SUGCT: variants seen among roughly 807,000 people sequenced by gnomAD.
SUGCT encodes the protein succinyl-CoA:glutarate CoA-transferase.
A neutral mutation model predicts 55.0 loss-of-function variants in SUGCT; 41 were observed. The ratio of observed to expected loss-of-function variants is 0.74; its 90% CI spans 0.58 to 0.97. SUGCT has a LOEUF of 0.97. Among genes scored for constraint, SUGCT ranks in the 50% least tolerant of loss-of-function variants. The probability of loss-of-function intolerance (pLI) is 0.00; values close to 1 mark genes in which losing one functional copy is unlikely to be tolerated. For synonymous variants in SUGCT, 187 were observed against 200.4 expected (o/e 0.93, Z 0.56); for missense variants, 568 against 547.8 (o/e 1.04, Z -0.37).
intron 7 of SUGCT, among the ~76,000 whole-genome samples, chr7:40,269,210 A>G (rs1380550720): frequency 6.6e-6 from 1 of 152,208 alleles, no homozygotes; most frequent in Non-Finnish European, 1.5e-5. Flanking sequence ...GATGTTGAAT[A>G]TCTTTTCATG....
At chr7:41,010,015 C>T in the SUGCT span, among the ~76,000 whole-genome samples, 6 of 152,128 alleles carry the variant, frequency 3.9e-5, no homozygotes, top group Admixed American at 3.3e-4. Flanking sequence ...CATGTGTTTG[C>T]GCTGGATGTG....
chr7:40,788,376 G>C (rs1024452520), intron 13 of SUGCT, among the ~76,000 whole-genome samples: 1 of 152,184 alleles, frequency 6.6e-6, no homozygotes, highest in Admixed American at 6.5e-5. Flanking sequence ...TTGAATGGGA[G>C]AAGAAAAATC....
intron 9 of SUGCT, among the ~76,000 whole-genome samples, chr7:40,425,366 G>A (rs1034020421): frequency 1.4e-4 from 21 of 151,688 alleles, no homozygotes; most frequent in African/African-American, 4.8e-4. Context: ...ATGTTTGATC[G>A]TGAAATCACA....
the SUGCT span, among the ~76,000 whole-genome samples, chr7:41,026,885 A>G: frequency 6.6e-6 from 1 of 152,036 alleles, no homozygotes; most frequent in Non-Finnish European, 1.5e-5. Flanking sequence ...TACAAAAATT[A>G]ACTAAGAGAG....
the SUGCT span, among the ~76,000 whole-genome samples, chr7:40,911,890 T>C: frequency 6.6e-6 from 1 of 152,040 alleles, no homozygotes; most frequent in African/African-American, 2.4e-5. Context: ...AGGGAGGGCA[T>C]GGTGTGTGTG....
intron 11 of SUGCT, among the ~76,000 whole-genome samples, chr7:40,471,426 A>G (rs917925663): frequency 2.0e-5 from 3 of 152,014 alleles, no homozygotes; most frequent in African/African-American, 7.2e-5. Context: ...TATGAAATCA[A>G]TGTACTTGCC....
chr7:40,550,994 G>C (rs188423235), intron 12 of SUGCT, among the ~76,000 whole-genome samples: 42 of 152,248 alleles, frequency 2.8e-4, no homozygotes, highest in African/African-American at 9.6e-4. Context: ...CTTGTCAGGT[G>C]CCTGTGGCAG....
chr7:40,294,922 A>T (rs1396587221), intron 8 of SUGCT, among the ~76,000 whole-genome samples: 1 of 152,252 alleles, frequency 6.6e-6, no homozygotes, highest in Non-Finnish European at 1.5e-5. Flanking sequence ...GTTGGAAAAT[A>T]TGCTGCGCAA....
In SUGCT at chr7:40,378,780, T is replaced by C. The variant is rs201509192; in HGVS notation, c.816+61925T>C. 7.9e-5 allele frequency among the ~76,000 whole-genome samples: 12 copies of C among 152,354 alleles called. No homozygotes were observed. In the East Asian group the frequency reaches 2.3e-3, roughly 29 times the overall value. ...GAACCACCATGCCTGGCCTTTCTCA[T>C]ACTTTCTTTAGTTCTTTAGGACATG... is the stretch of plus-strand genomic sequence containing the variant. On this transcript the variant is annotated intron_variant, in intron 9 of 13. Coordinates refer to ENST00000335693, the MANE Select transcript of SUGCT (RefSeq NM_001193313.2).
intron 9 of SUGCT, among the ~76,000 whole-genome samples, chr7:40,399,863 G>A (rs1388385042): frequency 2.0e-5 from 3 of 152,006 alleles, no homozygotes; most frequent in East Asian, 3.9e-4. Context: ...AATGGTAGTT[G>A]TAGGGTTTTT....
chr7:40,550,537 A>T (rs1795244513), intron 12 of SUGCT, among the ~76,000 whole-genome samples: 1 of 152,204 alleles, frequency 6.6e-6, no homozygotes, highest in Non-Finnish European at 1.5e-5. Context: ...GCAACCACAC[A>T]TTGAAGCATT....
chr7:40,904,190 G>A, the SUGCT span, among the ~76,000 whole-genome samples: 10 of 152,190 alleles, frequency 6.6e-5, no homozygotes, highest in African/African-American at 2.4e-4. Context: ...TACTGTAGAT[G>A]TTTTTACGAC....
the SUGCT span, among the ~76,000 whole-genome samples, chr7:41,003,681 T>G: frequency 6.6e-6 from 1 of 152,282 alleles, no homozygotes; most frequent in African/African-American, 2.4e-5. Flanking sequence ...TTGATAGCTA[T>G]CTCTCTCTAG....
the SUGCT span, among the ~76,000 whole-genome samples, chr7:41,015,766 A>C: frequency 6.6e-6 from 1 of 152,160 alleles, no homozygotes; most frequent in African/African-American, 2.4e-5. Context: ...AGCACATCTG[A>C]GTGATTTTAT....
At chr7:40,963,917 A>C in the SUGCT span, among the ~76,000 whole-genome samples, 1 of 152,228 alleles carries the variant, frequency 6.6e-6, no homozygotes, top group Non-Finnish European at 1.5e-5. Flanking sequence ...TTACTCACTC[A>C]TCTTAATTAA....
chr7:41,011,659 C>T, the SUGCT span, among the ~76,000 whole-genome samples: 2 of 152,160 alleles, frequency 1.3e-5, no homozygotes, highest in African/African-American at 4.8e-5. Context: ...AAATAAAACT[C>T]AAGGTGAGAA....
At chr7:40,502,154 GCATGTGCTATAGTT>G (rs1270902924) in intron 12 of SUGCT, among the ~76,000 whole-genome samples, 1 of 151,872 alleles carries the variant, frequency 6.6e-6, no homozygotes, top group Non-Finnish European at 1.5e-5. Context: ...TCTTTCTCTA[GCATGTGCTATAGTT>G]TATTCATCAA....
chr7:40,854,759 A>AGTCC (rs1794083054), intron 13 of SUGCT, among the ~76,000 whole-genome samples: 1 of 151,940 alleles, frequency 6.6e-6, no homozygotes, highest in South Asian at 2.1e-4. Context: ...CAACATAGCC[A>AGTCC]GTCCCCATCT....
At chr7:40,652,354 C>T (rs1437973060) in intron 12 of SUGCT, among the ~76,000 whole-genome samples, 1 of 152,174 alleles carries the variant, frequency 6.6e-6, no homozygotes, top group Non-Finnish European at 1.5e-5. Context: ...ACAACTTACT[C>T]CTGCCCTGCC....
Sources: allele counts gnomAD v4.1 joint callset (sites outside exome capture counted in the v4.1 genomes callset), GRCh38; gene constraint gnomAD v4.1.1; transcripts MANE v1.5; gene names NCBI Gene and HGNC (gene_info 2026-07-23, HGNC 2026-07-21).